FLT1: variants seen among roughly 807,000 people sequenced by gnomAD.
FLT1 encodes the protein vascular endothelial growth factor receptor 1.
In FLT1, 49 loss-of-function variants were observed where a neutral mutation model predicts 156.3. The observed-to-expected ratio is 0.31, with a 90% CI of 0.25 to 0.40. The LOEUF is 0.40. Ranked by LOEUF, FLT1 falls within the 10% of genes least tolerant of loss-of-function variation. The probability of loss-of-function intolerance (pLI) is 1.00; values close to 1 mark genes in which losing one functional copy is unlikely to be tolerated. For synonymous variants in FLT1, 594 were observed against 583.8 expected (o/e 1.02, Z -0.25); for missense variants, 1,322 against 1,637.2 (o/e 0.81, Z 3.32).
intron 14 of FLT1, among the ~76,000 whole-genome samples, chr13:28,361,211 A>G (rs1873102018): frequency 6.6e-6 from 1 of 152,068 alleles, no homozygotes; most frequent in African/African-American, 2.4e-5. Flanking sequence ...GCCGGGAGGC[A>G]GAGCTTGGAG....
chr13:28,405,783 A>T lies in FLT1; in HGVS notation c.1548T>A (p.Asn516Lys). ...TQRMAIIEGK[N>K]KMASTLVVAD... is the part of the protein sequence containing the mutation. Reference sequence around the variant, plus strand: ...TGCGCATTTTTACAAACAATACCTTATTCTTTCCTTCTATTATTGCCATGC... The same window carrying T: ...TGCGCATTTTTACAAACAATACCTTTTTCTTTCCTTCTATTATTGCCATGC... The change falls in exon 11 of 30, where the codon AAT (asparagine) becomes AAA (lysine). Residue 516 changes from asparagine (N) to lysine (K), a missense_variant. This residue lies in a region of FLT1 where 991 missense variants were observed against 1,254.8 expected (regional missense o/e 0.79). Coordinates refer to ENST00000282397, the MANE Select transcript of FLT1 (RefSeq NM_002019.4). The T allele has an allele frequency of 2.0e-6, 3 of 1,474,652 alleles. No homozygotes were observed. Among genetic ancestry groups the T allele is most frequent in the Non-Finnish European group, 1.9e-6 (2 of 1,053,380 alleles). The allele number at this position is 1,474,652 out of a possible 1,614,324, so 91.3% of individuals were successfully genotyped here.
intron 14 of FLT1, among the ~76,000 whole-genome samples, chr13:28,363,342 C>G (rs943911805): frequency 3.9e-5 from 6 of 152,048 alleles, no homozygotes; most frequent in African/African-American, 1.4e-4. Flanking sequence ...TTAGGCAGAC[C>G]CATTTCTGTC....
chr13:28,450,176 C>T (rs1305453648), intron 3 of FLT1, among the ~76,000 whole-genome samples: 1 of 152,204 alleles, frequency 6.6e-6, no homozygotes, highest in Admixed American at 6.5e-5. Flanking sequence ...CAGAGTCTAG[C>T]TGAGCAGACA....
chr13:28,361,419 T>C (rs1837332285), intron 14 of FLT1, among the ~76,000 whole-genome samples: 1 of 152,204 alleles, frequency 6.6e-6, no homozygotes, highest in African/African-American at 2.4e-5. Flanking sequence ...CAAATATTTT[T>C]TGAGCTCCTA....
chr13:28,386,746 C>G lies in FLT1; in HGVS notation c.1970-1715G>C, dbSNP rs1874389813. Reference sequence around the variant, plus strand: ...GACATTTTTTACATAGTGAAGACCCCAAACATATCAGTGAAACATGACAAG... The same window carrying G: ...GACATTTTTTACATAGTGAAGACCCGAAACATATCAGTGAAACATGACAAG... On this transcript the variant is annotated intron_variant, in intron 13 of 29. Transcript: ENST00000282397. 3 of 1,054,102 alleles carry G rather than the reference C, an allele frequency of 2.8e-6. No individual in the cohort carries two copies. In the East Asian group the frequency reaches 1.6e-4, roughly 56 times the overall value. 65.3% of individuals were successfully genotyped at this position (1,054,102 alleles called of 1,614,324 possible). A position where few individuals can be genotyped will look rare whatever the true frequency, so the allele number is the denominator to read the frequency against.
chr13:28,411,753 A>G (rs1400484429), intron 10 of FLT1, among the ~76,000 whole-genome samples: 2 of 152,044 alleles, frequency 1.3e-5, no homozygotes, highest in Non-Finnish European at 2.9e-5. Flanking sequence ...TGAGTACCCA[A>G]CACCCGATGG....
Position 28,464,864 on chromosome 13 carries a change from T to C in FLT1, c.388+2039A>G, listed in dbSNP as rs116866619. On this transcript the variant is annotated intron_variant, in intron 3 of 29. Coordinates refer to ENST00000282397, the MANE Select transcript of FLT1 (RefSeq NM_002019.4). ...AGAAAAAAAGAGATGGTTTTCTTTT[T>C]ATTCATTTAAGTGTTCAATTTGCAA... Among the ~76,000 whole-genome samples, 1,023 of 152,328 alleles carry C rather than the reference T, an allele frequency of 6.7e-3. 7 individuals are homozygous for C. Among genetic ancestry groups the C allele is most frequent in the Middle Eastern group, 0.024 (7 of 294 alleles).
chr13:28,388,107 T>A, intron 13 of FLT1: 1 of 1,057,188 alleles, frequency 9.5e-7, no homozygotes, highest in Non-Finnish European at 1.1e-6. Flanking sequence ...AGGAACACAC[T>A]AACTTATAAT....
At chr13:28,389,393 G>GTGTA in intron 13 of FLT1, 1 of 1,267,660 alleles carries the variant, frequency 7.9e-7, no homozygotes, top group South Asian at 3.5e-5. Flanking sequence ...AAAAGAGGTT[G>GTGTA]GCATCAAAAT....
intron 14 of FLT1, among the ~76,000 whole-genome samples, chr13:28,364,582 AT>A (rs1873220986): frequency 6.6e-6 from 1 of 152,002 alleles, no homozygotes; most frequent in Non-Finnish European, 1.5e-5. Context: ...ATTGACCTAG[AT>A]TTTCTTTTGG....
intron 1 of FLT1, among the ~76,000 whole-genome samples, chr13:28,473,718 GAAAGA>G (rs1566050189): frequency 2.5e-5 from 2 of 80,954 alleles, no homozygotes; most frequent in African/African-American, 1.2e-4. Context: ...AAGAAAGAAA[GAAAGA>G]AAGAAAGAAG....
At chr13:28,432,671 G>C (rs1877766101) in intron 6 of FLT1, among the ~76,000 whole-genome samples, 2 of 152,228 alleles carry the variant, frequency 1.3e-5, no homozygotes. Context: ...CACAGTACTG[G>C]AGCACAAATA....
chr13:28,445,770 T>C (rs1242737791), intron 3 of FLT1, among the ~76,000 whole-genome samples: 3 of 152,076 alleles, frequency 2.0e-5, no homozygotes, highest in Non-Finnish European at 4.4e-5. Flanking sequence ...TTTCACAAAC[T>C]TTTCCAAAAA....
In FLT1 at chr13:28,412,329, C is replaced by CTTTTTCTTTCTTTCT. The variant is rs11343321; in HGVS notation, c.1437-6436_1437-6435insAGAAAGAAAGAAAAA. Among the ~76,000 whole-genome samples, 551 of 89,012 alleles carry CTTTTTCTTTCTTTCT rather than the reference C, an allele frequency of 6.2e-3. 31 individuals are homozygous for CTTTTTCTTTCTTTCT. The highest frequency in any genetic ancestry group is 0.022 in the African/African-American group (521 of 24,172). The allele number at this position is 89,012 out of a possible 152,430, so 58.4% of individuals were successfully genotyped here. A position where few individuals can be genotyped will look rare whatever the true frequency, so the allele number is the denominator to read the frequency against. On this transcript the variant is annotated intron_variant, in intron 10 of 29. Transcript: ENST00000282397. Reference sequence around the variant, plus strand: ...TTTCTCTTTCTTTCTTTCTTTCTTTCTTTTCTTTCTTTCTTTCTTTCTCTT... The same window carrying CTTTTTCTTTCTTTCT: ...TTTCTCTTTCTTTCTTTCTTTCTTTCTTTTTCTTTCTTTCTTTTTCTTTCTTTCTTTCTTTCTCTT...
intron 1 of FLT1, among the ~76,000 whole-genome samples, chr13:28,490,102 C>T (rs577119082): frequency 6.6e-5 from 10 of 152,320 alleles, no homozygotes; most frequent in Admixed American, 5.2e-4. Context: ...CTAGGCCTGC[C>T]GCTAGCCAGC....
In FLT1 at chr13:28,427,656, C is replaced by A. The variant is rs1191165301; in HGVS notation, c.1276+96G>T. ...TTTCAAATGATTATTTGAAATTTTG[C>A]TATCTTTGATGTTGTTACGCTGATT... On this transcript the variant is annotated intron_variant, in intron 9 of 29. Transcript: ENST00000282397. The A allele has an allele frequency of 2.8e-6, 3 of 1,072,852 alleles. No individual in the cohort carries two copies. In the African/African-American group the frequency reaches 4.7e-5, roughly 17 times the overall value. 66.5% of individuals were successfully genotyped at this position (1,072,852 alleles called of 1,614,324 possible).
At chr13:28,399,074 G>A (rs1451531756) in intron 11 of FLT1, 1 of 1,551,362 alleles carries the variant, frequency 6.4e-7, no homozygotes, top group East Asian at 2.4e-5. Context: ...AGTTGGAAGA[G>A]AAGCTTGTAG....
At chr13:28,316,638 C>CTTTT (rs572382294) in intron 25 of FLT1, among the ~76,000 whole-genome samples, 1 of 134,686 alleles carries the variant, frequency 7.4e-6, no homozygotes, top group East Asian at 2.1e-4. Context: ...CTAAAAGGTT[C>CTTTT]TTTTTTTTTT....
chr13:28,409,308 A>G (rs1009285802), intron 10 of FLT1, among the ~76,000 whole-genome samples: 1 of 152,164 alleles, frequency 6.6e-6, no homozygotes, highest in African/African-American at 2.4e-5. Context: ...GGCCACAGAA[A>G]AAGGCAAAGC....
Sources: allele counts gnomAD v4.1 joint callset (sites outside exome capture counted in the v4.1 genomes callset), GRCh38; gene constraint gnomAD v4.1.1; regional missense constraint gnomAD v4.1.1; transcripts MANE v1.5; gene names NCBI Gene and HGNC (gene_info 2026-07-23, HGNC 2026-07-21).